Variants in PRDM14 observed in about 807,000 individuals in gnomAD.
PRDM14 encodes PR/SET domain 14, also known as PR domain zinc finger protein 14.
In PRDM14, 16 loss-of-function variants were observed where a neutral mutation model predicts 48.0. The observed-to-expected ratio is 0.33, with a 90% CI of 0.23 to 0.51. The LOEUF is 0.51. PRDM14 is among the 20% of genes least tolerant of loss of function. The pLI is 0.97. For missense variants in PRDM14, 566 were observed against 719.6 expected (o/e 0.79, Z 2.44); for synonymous variants, 264 against 276.6 (o/e 0.95, Z 0.45).
At position 70,069,767 on chromosome 8, in the gene PRDM14, G is replaced by C. The variant is rs373117873; in HGVS notation, c.94C>G (p.Pro32Ala). The part of the protein sequence containing the change: ...SPQNLAAYYT[P>A]FPSYGHYRNS... ...CTGTAGTGTCCATAGGACGGGAAAG[G>C]CGTGTAGTACGCGGCCAGGTTCTGC... The change falls in exon 2 of 8, where the codon CCT (proline) becomes GCT (alanine). Residue 32 changes from proline to alanine, a missense_variant. Coordinates refer to ENST00000276594, the MANE Select transcript of PRDM14 (RefSeq NM_024504.4). The C allele has an allele frequency of 6.2e-7, 1 of 1,609,324 alleles. No homozygotes were observed. The highest frequency in any genetic ancestry group is 1.3e-5 in the African/African-American group (1 of 74,868).
rs372332292 is a variant in PRDM14 at position 70,068,383 on chromosome 8, T to C, written c.759A>G (p.Leu253=). 22 of 1,614,072 alleles carry C rather than the reference T, an allele frequency of 1.4e-5. No homozygotes were observed. The highest frequency in any genetic ancestry group is 1.3e-4 in the South Asian group (12 of 91,084). The change falls in exon 4 of 8, where the codon CTA becomes CTG. Residue 253 remains leucine, a synonymous_variant. Transcript: ENST00000276594. ...DKDSLQLPEG[L]CLMQTVFGEV... Reference sequence around the variant, plus strand: ...CACCAAACACCGTCTGCATGAGGCATAGACCTAGGGGAAAGCCGAGGCAGG... The same window carrying C: ...CACCAAACACCGTCTGCATGAGGCACAGACCTAGGGGAAAGCCGAGGCAGG...
intron 7 of PRDM14, among the ~76,000 whole-genome samples, chr8:70,054,707 T>C (rs1022373957): frequency 2.6e-5 from 4 of 151,322 alleles, no homozygotes; most frequent in Non-Finnish European, 1.5e-5. Context: ...TTAGTAGAGA[T>C]GGGGTTTCAC....
intron 5 of PRDM14, among the ~76,000 whole-genome samples, chr8:70,059,237 G>C (rs1347306609): frequency 2.6e-5 from 4 of 151,938 alleles, no homozygotes; most frequent in African/African-American, 9.7e-5. Flanking sequence ...TTACATGCGT[G>C]AGCCACTGTG....
intron 6 of PRDM14, among the ~76,000 whole-genome samples, chr8:70,056,963 C>A (rs2131035910): frequency 7.0e-6 from 1 of 142,570 alleles, no homozygotes; most frequent in South Asian, 2.3e-4. Flanking sequence ...CCTCCAGTTT[C>A]TTTTCTTTTT....
At chr8:70,065,100 A>T (rs1005622448) in intron 5 of PRDM14, among the ~76,000 whole-genome samples, 132 of 151,646 alleles carry the variant, frequency 8.7e-4, no homozygotes, top group African/African-American at 2.9e-3. Context: ...GTTAGCCAGG[A>T]TGGTCTTGAT....
intron 1 of PRDM14, 35 bp from the exon 2 acceptor site, chr8:70,069,919 C>T (rs1805739309): frequency 7.4e-7 from 1 of 1,355,884 alleles, no homozygotes; most frequent in Non-Finnish European, 9.9e-7. Context: ...GGACACCGCG[C>T]GGGAGCTTCC....
In PRDM14 at chr8:70,064,515, G is replaced by A. The variant is rs543004781; in HGVS notation, c.1183+1720C>T. On this transcript the variant is annotated intron_variant, in intron 5 of 7. Transcript: ENST00000276594. ...CTAGCAGGAAAACAGGCATGCAGAT[G>A]CAATTTACTTTTTTTTTTTTTTTTT... is the stretch of plus-strand genomic sequence containing the variant. Among the ~76,000 whole-genome samples, 27 of 150,120 alleles carry A rather than the reference G, an allele frequency of 1.8e-4. No homozygotes were observed. In the East Asian group the frequency reaches 5.3e-3, roughly 29 times the overall value.
intron 5 of PRDM14, among the ~76,000 whole-genome samples, chr8:70,064,081 G>A (rs566401875): frequency 6.6e-6 from 1 of 152,046 alleles, no homozygotes; most frequent in Non-Finnish European, 1.5e-5. Context: ...ACAGAATGAG[G>A]GCTTATGATG....
At chr8:70,058,467 T>C (rs1805518196) in intron 6 of PRDM14, among the ~76,000 whole-genome samples, 173 bp downstream of exon 6, 1 of 152,234 alleles carries the variant, frequency 6.6e-6, no homozygotes, top group Non-Finnish European at 1.5e-5. Context: ...TGTGCATCGC[T>C]GTGCCTATTC....
chr8:70,069,718 T>C lies in PRDM14; in HGVS notation c.143A>G (p.Glu48Gly). Residue 48 changes from glutamate (E) to glycine (G), a missense_variant, in exon 2 of 8, where the codon GAA becomes GGA. Glu to Gly is a moderately conservative substitution (Grantham distance 98). Coordinates refer to ENST00000276594, the MANE Select transcript of PRDM14 (RefSeq NM_024504.4). ...CAGCTGCCGGAAAGGTTGGAAGTCT[T>C]CCTCCACGGTGGCCAGGCTGTTTCT... ...HYRNSLATVE[E>G]DFQPFRQLEA... 1 of 1,580,908 alleles carries C rather than the reference T, an allele frequency of 6.3e-7. No individual in the cohort carries two copies. Among genetic ancestry groups the C allele is most frequent in the East Asian group, 2.3e-5 (1 of 43,434 alleles).
intron 1 of PRDM14, among the ~76,000 whole-genome samples, chr8:70,070,782 G>A (rs752071724): frequency 2.6e-5 from 4 of 152,212 alleles, no homozygotes; most frequent in Non-Finnish European, 5.9e-5. Flanking sequence ...GGAAAGGATG[G>A]CGTTTTAATA....
At chr8:70,060,868 A>T (rs1485569314) in intron 5 of PRDM14, among the ~76,000 whole-genome samples, 1 of 152,194 alleles carries the variant, frequency 6.6e-6, no homozygotes, top group Non-Finnish European at 1.5e-5. Context: ...ATTCTACACA[A>T]TTCAAGGGAC....
intron 6 of PRDM14, among the ~76,000 whole-genome samples, chr8:70,056,228 C>T (rs1207500029): frequency 6.6e-6 from 1 of 152,218 alleles, no homozygotes; most frequent in Non-Finnish European, 1.5e-5. Flanking sequence ...TTTCTTGACC[C>T]TGGCAACTCC....
At chr8:70,059,832 G>A (rs558650173) in intron 5 of PRDM14, among the ~76,000 whole-genome samples, 2 of 152,210 alleles carry the variant, frequency 1.3e-5, no homozygotes, top group Admixed American at 6.5e-5. Context: ...AGTGGCTCAC[G>A]CCTATAATCC....
chr8:70,068,145 T>G lies in PRDM14; in HGVS notation c.912+85A>C. ...GATGTCCTCTCTCTCTGACCAGGACTCTCCCAAAAGGGCAAAGGCCAAGAT... is the reference window on the plus strand; with the variant it reads ...GATGTCCTCTCTCTCTGACCAGGACGCTCCCAAAAGGGCAAAGGCCAAGAT... On this transcript the variant is annotated intron_variant, in intron 4 of 7. Transcript: ENST00000276594. 9.5e-6 allele frequency: 14 copies of G among 1,479,148 alleles called. No individual in the cohort carries two copies. The South Asian group carries it at 1.7e-4, about 18-fold the overall frequency. 91.6% of individuals were successfully genotyped at this position (1,479,148 alleles called of 1,614,324 possible). A position where few individuals can be genotyped will look rare whatever the true frequency, so the allele number is the denominator to read the frequency against.
intron 6 of PRDM14, 82 bp from the exon 7 acceptor site, chr8:70,055,483 G>C (rs1044052207): frequency 5.3e-6 from 4 of 749,672 alleles, no homozygotes; most frequent in Non-Finnish European, 9.1e-6. Context: ...CCTGGGGTTA[G>C]AGAAGAACTC....
intron 5 of PRDM14, among the ~76,000 whole-genome samples, chr8:70,059,538 G>A (rs905409986): frequency 3.3e-5 from 5 of 152,058 alleles, no homozygotes; most frequent in Admixed American, 1.3e-4. Flanking sequence ...CCAAAGTGCT[G>A]GGATTACAGG....
chr8:70,069,458 C>A lies in PRDM14; in HGVS notation c.403G>T (p.Gly135Cys). 1.3e-6 allele frequency: 2 copies of A among 1,578,498 alleles called. No individual in the cohort carries two copies. The highest frequency in any genetic ancestry group is 1.7e-6 in the Non-Finnish European group (2 of 1,160,782). ...CACGGGCCACTCTCGTTGTCGCCAC[C>A]AATGATTTGGTGGCCCAGATCTTCA... Reference protein sequence around the residue: ...SSEDLGHQIIGGDNESGPCCG... With the variant: ...SSEDLGHQIICGDNESGPCCG... The change falls in exon 2 of 8, where the codon GGT (glycine) becomes TGT (cysteine). Residue 135 changes from glycine to cysteine, a missense_variant. By Grantham distance (159) the Gly-to-Cys change is radical. Transcript: ENST00000276594.
At position 70,071,089 on chromosome 8, in the gene PRDM14, TC is replaced by T. The variant is rs1805759209; in HGVS notation, c.-25+60del. 4 of 150,846 alleles carry T rather than the reference TC, an allele frequency of 2.7e-5. No individual in the cohort carries two copies. The South Asian group carries it at 8.4e-4, about 32-fold the overall frequency. The allele number at this position is 150,846 out of a possible 1,614,324, so 9.3% of individuals were successfully genotyped here. A position where few individuals can be genotyped will look rare whatever the true frequency, so the allele number is the denominator to read the frequency against. On this transcript the variant is annotated intron_variant, in intron 1 of 7. Transcript: ENST00000276594. The surrounding 1 kb of genome is among the most constrained non-coding windows in gnomAD (Gnocchi z 5.2). ...ACTGCGCCAGCGAGTGCTGCCGCCC[TC>T]CCCAACGGCCCTGGAAGACCACCGC...
Sources: gnomAD v4.1 joint callset for allele counts (sites outside exome capture counted in the v4.1 genomes callset) on GRCh38, gnomAD v4.1.1 for gene constraint, Gnocchi (gnomAD v3.1) non-coding constraint, MANE v1.5 for transcripts, NCBI Gene and HGNC (gene_info 2026-07-23, HGNC 2026-07-21) for gene names.